SPNS3: variants seen among roughly 807,000 people sequenced by gnomAD.
The protein encoded by SPNS3 is protein spinster homolog 3.
Under a neutral mutation model 54.4 loss-of-function variants are expected in SPNS3, and 51 were observed. The ratio of observed to expected loss-of-function variants is 0.94; its 90% CI spans 0.75 to 1.18. The LOEUF (loss-of-function observed/expected upper bound fraction) is 1.18, where lower values mean the gene tolerates loss of function less well. SPNS3 is among the 50% of genes most tolerant of loss of function. The pLI is 0.00. For synonymous variants in SPNS3, 309 were observed against 294.7 expected (o/e 1.05, Z -0.50); for missense variants, 669 against 677.4 (o/e 0.99, Z 0.14).
Position 4,458,617 on chromosome 17 carries a change from C to CTTTCTTTCT in SPNS3, c.1113+5415_1113+5423dup, listed in dbSNP as rs1266652526. On this transcript the variant is annotated intron_variant, in intron 8 of 11. Transcript: ENST00000355530. ...TCTTTCTTTCTTTCTTTCTTTCTTT[C>CTTTCTTTCT]TTTCTTTCTTTCTTTCTTTCTTTCT... Among the ~76,000 whole-genome samples, 57 of 110,616 alleles carry CTTTCTTTCT rather than the reference C, an allele frequency of 5.2e-4. 1 individual carries two copies. Among genetic ancestry groups the CTTTCTTTCT allele is most frequent in the African/African-American group, 1.6e-3 (47 of 28,554 alleles). The allele number at this position is 110,616 out of a possible 152,430, so 72.6% of individuals were successfully genotyped here. A position where few individuals can be genotyped will look rare whatever the true frequency, so the allele number is the denominator to read the frequency against.
At chr17:4,436,188 G>A (rs964718219) in intron 1 of SPNS3, among the ~76,000 whole-genome samples, 6 of 152,200 alleles carry the variant, frequency 3.9e-5, no homozygotes, top group African/African-American at 7.2e-5. Flanking sequence ...GGCACAGGCC[G>A]GGCTGGGAGC....
rs868416272 is a variant in SPNS3 at position 4,445,129 on chromosome 17, G to C, written c.363G>C (p.Trp121Cys). 1 of 1,614,052 alleles carries C rather than the reference G, an allele frequency of 6.2e-7. No homozygotes were observed. Among genetic ancestry groups the C allele is most frequent in the African/African-American group, 1.3e-5 (1 of 74,936 alleles). ...KATMSFGILLWSGAGLSSSFI... is the reference protein window; with the variant it reads ...KATMSFGILLCSGAGLSSSFI... ...CCATGAGCTTCGGTATCTTGCTGTG[G>C]TCAGGAGCTGGCCTCTCTAGCTCCT... Residue 121 changes from tryptophan to cysteine, a missense_variant, in exon 3 of 12, where the codon TGG becomes TGC. Physicochemically the swap from Trp to Cys is radical, Grantham distance 215 (BLOSUM62 -2). Transcript: ENST00000355530.
chr17:4,478,281 T>C (rs912486639), intron 8 of SPNS3, among the ~76,000 whole-genome samples: 3 of 151,994 alleles, frequency 2.0e-5, no homozygotes, highest in African/African-American at 7.3e-5. Flanking sequence ...TTAAAGTCTG[T>C]TTTCTTACCT....
intron 8 of SPNS3, among the ~76,000 whole-genome samples, chr17:4,465,987 G>A (rs1012080531): frequency 2.0e-5 from 3 of 152,184 alleles, no homozygotes; most frequent in South Asian, 2.1e-4. Context: ...TGAGAAACCC[G>A]GACTCGAGTG....
intron 8 of SPNS3, among the ~76,000 whole-genome samples, chr17:4,462,799 AT>A (rs1971566761): frequency 1.4e-5 from 2 of 144,348 alleles, no homozygotes; most frequent in Non-Finnish European, 3.0e-5. Flanking sequence ...CCATCCATCC[AT>A]CCACCAATCT....
At position 4,434,059 on chromosome 17, in the gene SPNS3, C is replaced by T; in HGVS notation, c.92C>T (p.Pro31Leu). ...GGGCCAGGCAGGCAGTGTCCCCCTC[C>T]CATCACGCCCACCTCCTGGAGCCTG... ...SPGPGRQCPP[P>L]ITPTSWSLPP... Residue 31 changes from proline (P) to leucine (L), a missense_variant, in exon 1 of 12, where the codon CCC (proline) becomes CTC (leucine). Coordinates refer to ENST00000355530, the MANE Select transcript of SPNS3 (RefSeq NM_182538.5). 1 of 1,610,880 alleles carries T rather than the reference C, an allele frequency of 6.2e-7. No individual in the cohort carries two copies. The highest frequency in any genetic ancestry group is 8.5e-7 in the Non-Finnish European group (1 of 1,178,686).
rs537237075 is a variant in SPNS3, at chr17:4,439,242, G to A, written c.200-416G>A. On this transcript the variant is annotated intron_variant, in intron 1 of 11. Transcript: ENST00000355530. ...AGGCTCAAGCAATTCTCCTGCCTCAGCCTCCCGAGTAGCTGGGATTACAGG... is the reference window on the plus strand; with the variant it reads ...AGGCTCAAGCAATTCTCCTGCCTCAACCTCCCGAGTAGCTGGGATTACAGG... Among the ~76,000 whole-genome samples, 88 of 152,036 alleles carry A rather than the reference G, an allele frequency of 5.8e-4. 1 individual carries two copies. The highest frequency in any genetic ancestry group is 1.9e-3 in the African/African-American group (78 of 41,450).
chr17:4,468,314 A>T (rs1258955184), intron 8 of SPNS3, among the ~76,000 whole-genome samples: 2 of 152,218 alleles, frequency 1.3e-5, no homozygotes, highest in Non-Finnish European at 2.9e-5. Flanking sequence ...AAAAAAAGAA[A>T]GAGGACAAAG....
At chr17:4,480,414 A>T (rs1335948793) in intron 9 of SPNS3, among the ~76,000 whole-genome samples, 1 of 152,186 alleles carries the variant, frequency 6.6e-6, no homozygotes, top group Non-Finnish European at 1.5e-5. Flanking sequence ...GGGATTGTCC[A>T]CTTTTAGGCT....
At chr17:4,440,049 T>C (rs1296069586) in intron 2 of SPNS3, among the ~76,000 whole-genome samples, 1 of 152,176 alleles carries the variant, frequency 6.6e-6, no homozygotes, top group Non-Finnish European at 1.5e-5. Context: ...AGAGGCTTGC[T>C]GGGCTTTGAG....
intron 8 of SPNS3, among the ~76,000 whole-genome samples, chr17:4,456,781 C>T (rs1333690178): frequency 6.6e-6 from 1 of 151,956 alleles, no homozygotes; most frequent in Non-Finnish European, 1.5e-5. Flanking sequence ...GTGGAGCGAT[C>T]TCAGCTCACT....
rs1006259672 is a variant in SPNS3 at position 4,486,675 on chromosome 17, T to C, written c.1450+92T>C. 151 of 1,349,664 alleles carry C rather than the reference T, an allele frequency of 1.1e-4. No individual in the cohort carries two copies. The highest frequency in any genetic ancestry group is 1.5e-4 in the Non-Finnish European group (149 of 995,694). The allele number at this position is 1,349,664 out of a possible 1,614,324, so 83.6% of individuals were successfully genotyped here. ...CCCCTGAATCCCTGGCCAGTTTGTT[T>C]GTTCATTCATCCAGAAATGCTTAGT... On this transcript the variant is annotated intron_variant, in intron 11 of 11. Coordinates refer to ENST00000355530, the MANE Select transcript of SPNS3 (RefSeq NM_182538.5). The surrounding 1 kb of genome is among the most constrained non-coding windows in gnomAD (Gnocchi z 5.5).
chr17:4,446,758 C>G, intron 4 of SPNS3, 138 bp from the exon 5 acceptor site: 1 of 754,804 alleles, frequency 1.3e-6, no homozygotes, highest in Non-Finnish European at 2.3e-6. Context: ...GGCTTACTTT[C>G]CTCAGTGAAA....
chr17:4,436,561 T>TGA (rs1970723637), intron 1 of SPNS3, among the ~76,000 whole-genome samples: 1 of 150,988 alleles, frequency 6.6e-6, no homozygotes, highest in Non-Finnish European at 1.5e-5. Flanking sequence ...GAGGCTGCGG[T>TGA]GAGCCCTCTA....
intron 8 of SPNS3, among the ~76,000 whole-genome samples, chr17:4,454,204 C>G (rs1192539285): frequency 2.0e-4 from 30 of 152,246 alleles, no homozygotes; most frequent in Non-Finnish European, 1.5e-5. Context: ...AGACAGGGAG[C>G]CCAAAGGGCA....
chr17:4,443,072 TTTTTG>T (rs1425697328), intron 2 of SPNS3, among the ~76,000 whole-genome samples: 1 of 131,788 alleles, frequency 7.6e-6, no homozygotes, highest in Non-Finnish European at 1.7e-5. Context: ...GTTTGTTTGC[TTTTTG>T]TTTTTTTTTT....
chr17:4,435,728 C>T (rs1055761337), intron 1 of SPNS3, among the ~76,000 whole-genome samples: 2 of 151,172 alleles, frequency 1.3e-5, no homozygotes, highest in Non-Finnish European at 3.0e-5. Context: ...CCTGCTCTGT[C>T]TTCTGTCACT....
chr17:4,462,135 A>AG (rs1971524398), intron 8 of SPNS3, among the ~76,000 whole-genome samples: 2 of 466 alleles, frequency 4.3e-3, no homozygotes, highest in African/African-American at 0.014. Context: ...CCATCCATCC[A>AG]TCCATCCATC....
At chr17:4,457,797 C>T (rs1430165865) in intron 8 of SPNS3, among the ~76,000 whole-genome samples, 1 of 152,184 alleles carries the variant, frequency 6.6e-6, no homozygotes, top group Non-Finnish European at 1.5e-5. Flanking sequence ...CTGGTTGTCT[C>T]ATCCAGAAAT....
Sources: allele counts gnomAD v4.1 joint callset (sites outside exome capture counted in the v4.1 genomes callset), GRCh38; gene constraint gnomAD v4.1.1; non-coding constraint Gnocchi (gnomAD v3.1); transcripts MANE v1.5; gene names NCBI Gene and HGNC (gene_info 2026-07-23, HGNC 2026-07-21).